Variants in CLTB observed in about 807,000 individuals in gnomAD.
CLTB encodes clathrin light chain B, also known as clathrin, light chain (Lcb).
A neutral mutation model predicts 30.5 loss-of-function variants in CLTB; 10 were observed. That is an observed-to-expected ratio of 0.33 (90% CI 0.20 to 0.56). The LOEUF (loss-of-function observed/expected upper bound fraction) is 0.56. CLTB is among the 20% of genes least tolerant of loss of function. The pLI is 0.91. For synonymous variants in CLTB, 102 were observed against 120.3 expected (o/e 0.85, Z 1.00); for missense variants, 261 against 308.3 (o/e 0.85, Z 1.15).
intron 5 of CLTB, among the ~76,000 whole-genome samples, chr5:176,394,321 C>A (rs572713786): frequency 1.3e-5 from 2 of 152,338 alleles, no homozygotes; most frequent in African/African-American, 4.8e-5. Context: ...GCCTCCCCAC[C>A]GTCCTGCTGA....
At chr5:176,413,925 C>T (rs137997198) in intron 1 of CLTB, among the ~76,000 whole-genome samples, 21 of 152,292 alleles carry the variant, frequency 1.4e-4, no homozygotes, top group Admixed American at 8.5e-4. Flanking sequence ...AAGAAGCGAG[C>T]GTGTCATTGT....
At chr5:176,409,948 G>C (rs1374606872) in intron 2 of CLTB, among the ~76,000 whole-genome samples, 1 of 152,176 alleles carries the variant, frequency 6.6e-6, no homozygotes, top group Non-Finnish European at 1.5e-5. Context: ...AGTGGTGAGG[G>C]AAGGCCTTGC....
chr5:176,406,210 G>A (rs1261519828), intron 2 of CLTB: 10 of 1,000,858 alleles, frequency 1.0e-5, no homozygotes, highest in African/African-American at 7.0e-5. Context: ...GCAACCAGGA[G>A]AGATCACCAG....
intron 1 of CLTB, among the ~76,000 whole-genome samples, chr5:176,411,748 T>A (rs72807224): frequency 0.042 from 6,435 of 152,132 alleles, 209 homozygotes; most frequent in Non-Finnish European, 0.068. Flanking sequence ...AACATGAGGA[T>A]CTCTACAATC....
intron 2 of CLTB, among the ~76,000 whole-genome samples, chr5:176,409,068 C>A (rs1364447890): frequency 2.0e-5 from 3 of 152,016 alleles, no homozygotes; most frequent in Non-Finnish European, 4.4e-5. Flanking sequence ...CCTCCCACTC[C>A]CGGATTCAAG....
Position 176,392,861 on chromosome 5 carries a change from G to C in CLTB, c.603C>G (p.Phe201Leu), listed in dbSNP as rs1756319928. 6.2e-7 allele frequency: 1 copy of C among 1,614,116 alleles called. No individual in the cohort carries two copies. The highest frequency in any genetic ancestry group is 1.3e-5 in the African/African-American group (1 of 74,928). The change falls in exon 6 of 6, where the codon TTC becomes TTG. Residue 201 changes from phenylalanine (F) to leucine (L), a missense_variant. Physicochemically the swap from Phe to Leu is conservative, Grantham distance 22. Transcript: ENST00000310418. This position sits in a 1 kb window ranked among gnomAD's most constrained non-coding sequence, Gnocchi z 5.2. Reference protein sequence around the residue: ...EWEKVAQLCDFNPKSSKQCKD... With the variant: ...EWEKVAQLCDLNPKSSKQCKD... ...TGCACTGCTTGCTGCTCTTGGGGTT[G>C]AAGTCACATAGCTGGGCCACCTTCT... is the stretch of plus-strand genomic sequence containing the variant.
chr5:176,397,212 A>G (rs1561792250), intron 4 of CLTB, among the ~76,000 whole-genome samples: 2 of 152,092 alleles, frequency 1.3e-5, no homozygotes, highest in Non-Finnish European at 1.5e-5. Context: ...AGCTTCCCAG[A>G]ACAGGCCTTT....
rs1279792869 is a variant in CLTB, at chr5:176,404,435, G to A, written c.234+5822C>T. On this transcript the variant is annotated intron_variant, in intron 2 of 5. Transcript: ENST00000310418. ...GGCAGCGGAGCGGAGCCTCTAATTC[G>A]CATTTTACAAATGAGAAGCCAGGCT... Among the ~76,000 whole-genome samples the A allele has an allele frequency of 3.3e-5, 5 of 152,296 alleles. No individual in the cohort carries two copies. The South Asian group carries it at 6.2e-4, about 19-fold the overall frequency.
At chr5:176,394,599 C>G (rs563456515) in intron 5 of CLTB, among the ~76,000 whole-genome samples, 1 of 147,550 alleles carries the variant, frequency 6.8e-6, no homozygotes, top group Non-Finnish European at 1.5e-5. Flanking sequence ...GGGCGGATCA[C>G]GAGGTCAGAT....
chr5:176,397,449 C>T (rs1388064725), intron 4 of CLTB, among the ~76,000 whole-genome samples, 158 bp downstream of exon 4: 2 of 144,360 alleles, frequency 1.4e-5, no homozygotes, highest in Admixed American at 1.4e-4. Context: ...CCCCACAGCC[C>T]GTCTCATGTC....
chr5:176,394,561 T>C (rs13168897), intron 5 of CLTB, among the ~76,000 whole-genome samples: 30,574 of 151,938 alleles, frequency 0.2, 3,359 homozygotes, highest in Middle Eastern at 0.33. Flanking sequence ...CTCATGCCTG[T>C]AATCCCAGCA....
chr5:176,412,233 T>C (rs1355885543), intron 1 of CLTB, among the ~76,000 whole-genome samples: 2 of 150,970 alleles, frequency 1.3e-5, no homozygotes, highest in Non-Finnish European at 2.9e-5. Context: ...AAGGTCCAGC[T>C]CATAAGTCAC....
intron 4 of CLTB, 29 bp downstream of exon 4, chr5:176,397,559 CCCCCCTCATGTCCCCATGG>C (rs768953714): frequency 9.8e-6 from 10 of 1,020,396 alleles, no homozygotes; most frequent in Non-Finnish European, 1.4e-5. Flanking sequence ...GTCCCCACAG[CCCCCCTCATGTCCCCATGG>C]CCCCCTCATG....
chr5:176,400,280 T>C (rs1756754765), intron 2 of CLTB, among the ~76,000 whole-genome samples: 1 of 152,230 alleles, frequency 6.6e-6, no homozygotes, highest in African/African-American at 2.4e-5. Context: ...TTTAATACTA[T>C]AATATTTGTG....
At chr5:176,396,598 C>T in intron 4 of CLTB, 66 bp from the exon 5 acceptor site, 1 of 1,161,572 alleles carries the variant, frequency 8.6e-7, no homozygotes, top group South Asian at 1.3e-5. Context: ...GACAGGCAGG[C>T]AGAAGGTTAG....
intron 1 of CLTB, among the ~76,000 whole-genome samples, chr5:176,414,986 A>T (rs1323301927): frequency 6.6e-6 from 1 of 152,236 alleles, no homozygotes; most frequent in African/African-American, 2.4e-5. Context: ...ATATGTATAT[A>T]TGTTAGCACT....
rs1581447545 is a variant in CLTB at position 176,411,434 on chromosome 5, TGGAAGG to T, written c.188-1137_188-1132del. Among the ~76,000 whole-genome samples the T allele has an allele frequency of 2.0e-5, 3 of 152,328 alleles. No homozygotes were observed. In the East Asian group the frequency reaches 5.8e-4, roughly 29 times the overall value. ...CTTTGCAGGTGCTGTTCCCTCTGCC[TGGAAGG>T]CTGCTCCCTCACTCCCTTCAGCTTC... is the stretch of plus-strand genomic sequence containing the variant. On this transcript the variant is annotated intron_variant, in intron 1 of 5. Coordinates refer to ENST00000310418, the MANE Select transcript of CLTB (RefSeq NM_007097.5).
chr5:176,405,189 C>T (rs1393718995), intron 2 of CLTB, among the ~76,000 whole-genome samples: 1 of 152,072 alleles, frequency 6.6e-6, no homozygotes, highest in Non-Finnish European at 1.5e-5. Context: ...TCCCTGTCTT[C>T]TATTAGAAGC....
chr5:176,397,366 CT>C (rs1236199068), intron 4 of CLTB, among the ~76,000 whole-genome samples: 23 of 140,180 alleles, frequency 1.6e-4, no homozygotes, highest in South Asian at 2.4e-4. Flanking sequence ...GTCCCCACAG[CT>C]CCCTCTCATG....
Sources: allele counts gnomAD v4.1 joint callset (sites outside exome capture counted in the v4.1 genomes callset), GRCh38; gene constraint gnomAD v4.1.1; non-coding constraint Gnocchi (gnomAD v3.1); transcripts MANE v1.5; gene names NCBI Gene and HGNC (gene_info 2026-07-23, HGNC 2026-07-21).